The following NUDC variants were observed in gnomAD, a reference collection of about 807,000 sequenced individuals.
The protein encoded by NUDC is nuclear migration protein nudC.
A neutral mutation model predicts 45.0 loss-of-function variants in NUDC; 14 were observed. That is an observed-to-expected ratio of 0.31 (90% CI 0.21 to 0.49). The LOEUF is 0.49. NUDC is among the 20% of genes least tolerant of loss of function. The pLI is 0.99. For synonymous variants in NUDC, 153 were observed against 156.7 expected (o/e 0.98, Z 0.17); for missense variants, 323 against 426.2 (o/e 0.76, Z 2.13).
chr1:26,921,914 G>A lies in NUDC; in HGVS notation c.66G>A (p.Glu22=). ...TGCTGGCCATGGCTCAGCAGCACGAGGGCGGCGTGCAGGAGGTAACGGCCC... is the reference window on the plus strand; with the variant it reads ...TGCTGGCCATGGCTCAGCAGCACGAAGGCGGCGTGCAGGAGGTAACGGCCC... ...GMLLAMAQQH[E]GGVQELVNTF... Residue 22 remains glutamate, a synonymous_variant, in exon 1 of 9, where the codon GAG becomes GAA. Coordinates refer to ENST00000321265, the MANE Select transcript of NUDC (RefSeq NM_006600.4). 1 of 1,553,046 alleles carries A rather than the reference G, an allele frequency of 6.4e-7. No individual in the cohort carries two copies. The highest frequency in any genetic ancestry group is 8.7e-7 in the Non-Finnish European group (1 of 1,147,910).
intron 2 of NUDC, among the ~76,000 whole-genome samples, chr1:26,934,818 C>T (rs140853366): frequency 1.5e-3 from 235 of 151,666 alleles, no homozygotes; most frequent in African/African-American, 5.4e-3. Flanking sequence ...CCACCATGCC[C>T]GGCTAATTTT....
intron 2 of NUDC, among the ~76,000 whole-genome samples, chr1:26,905,253 T>C (rs2081998467): frequency 6.7e-6 from 1 of 148,862 alleles, no homozygotes; most frequent in African/African-American, 2.5e-5. Flanking sequence ...CTCCGCCTCC[T>C]GGGTTCAGGC....
In NUDC at chr1:26,922,137, T is replaced by A. The variant is rs2082096688; in HGVS notation, c.81+208T>A. 3 of 598,714 alleles carry A rather than the reference T, an allele frequency of 5.0e-6. No individual in the cohort carries two copies. In the East Asian group the frequency reaches 8.4e-5, roughly 17 times the overall value. 37.1% of individuals were successfully genotyped at this position (598,714 alleles called of 1,614,324 possible). ...GTCCCGGGCCCCCGGCGCCCCTCAG[T>A]AGTAGCAAATTATCGCATCCCTGAG... On this transcript the variant is annotated intron_variant, in intron 1 of 8. Coordinates refer to ENST00000321265, the MANE Select transcript of NUDC (RefSeq NM_006600.4).
At position 26,946,503 on chromosome 1, in the gene NUDC, CCTAGGGCACAT is replaced by C. The variant is rs757307921; in HGVS notation, c.*324_*334del. The C allele has an allele frequency of 4.8e-5, 20 of 417,798 alleles. No individual in the cohort carries two copies. Among genetic ancestry groups the C allele is most frequent in the Non-Finnish European group, 7.2e-5 (16 of 222,120 alleles). The allele number at this position is 417,798 out of a possible 1,614,324, so 25.9% of individuals were successfully genotyped here. A position where few individuals can be genotyped will look rare whatever the true frequency, so the allele number is the denominator to read the frequency against. ...TTCTAGCCCAGATTCTGCCATGTGA[CCTAGGGCACAT>C]CCTTGCCCCTCTCTGGGCCTCAGTT... On this transcript the variant is annotated 3_prime_UTR_variant, in exon 9 of 9. Coordinates refer to ENST00000321265, the MANE Select transcript of NUDC (RefSeq NM_006600.4).
At chr1:26,918,730 A>G (rs1336366601), upstream of NUDC, among the ~76,000 whole-genome samples, 2 of 151,718 alleles carry the variant, frequency 1.3e-5, no homozygotes, top group Non-Finnish European at 2.9e-5. Context: ...TCCCACCACT[A>G]TGCCTGGCTA....
At chr1:26,936,134 A>AACATATATATATATATATATAT (rs1553163907) in intron 2 of NUDC, among the ~76,000 whole-genome samples, 8 of 6,812 alleles carry the variant, frequency 1.2e-3, no homozygotes, top group Non-Finnish European at 2.0e-3. Context: ...ACGCCCGGCT[A>AACATATATATATATATATATAT]ATATATATAT....
At chr1:26,930,955 G>T (rs767009877) in intron 2 of NUDC, among the ~76,000 whole-genome samples, 1 of 151,834 alleles carries the variant, frequency 6.6e-6, no homozygotes, top group Admixed American at 6.6e-5. Flanking sequence ...GACAGAGTTT[G>T]CAGTGAGCCG....
intron 2 of NUDC, among the ~76,000 whole-genome samples, chr1:26,939,320 G>T (rs886856278): frequency 1.6e-4 from 24 of 151,718 alleles, no homozygotes; most frequent in African/African-American, 5.6e-4. Context: ...ACCTGGCCAA[G>T]ACTGTTTTTA....
chr1:26,904,407 T>G (rs1389272062), intron 2 of NUDC, among the ~76,000 whole-genome samples: 7 of 151,928 alleles, frequency 4.6e-5, no homozygotes, highest in African/African-American at 1.7e-4. Flanking sequence ...TGGCCTCAAG[T>G]GATCCACCCA....
At chr1:26,926,719 G>C (rs2082135832) in intron 2 of NUDC, among the ~76,000 whole-genome samples, 1 of 151,954 alleles carries the variant, frequency 6.6e-6, no homozygotes, top group Non-Finnish European at 1.5e-5. Flanking sequence ...TCCTGCCTCA[G>C]CCTCCTAAGT....
At chr1:26,935,974 AT>A (rs1321595684) in intron 2 of NUDC, among the ~76,000 whole-genome samples, 3 of 148,254 alleles carry the variant, frequency 2.0e-5, no homozygotes, top group South Asian at 2.1e-4. Flanking sequence ...CAAAAAAAAA[AT>A]GTTTTGTTTT....
In NUDC at chr1:26,942,515, C is replaced by T; in HGVS notation, c.430-145C>T. On this transcript the variant is annotated intron_variant, in intron 4 of 8. Transcript: ENST00000321265. ...TCCCAGTGGACCAAGGCTTGGGGGT[C>T]TGCCCCTCTGTGGAGTGGGCAGGGA... The T allele has an allele frequency of 3.4e-6, 4 of 1,178,770 alleles. No individual in the cohort carries two copies. The South Asian group carries it at 5.2e-5, about 15-fold the overall frequency. 73.0% of individuals were successfully genotyped at this position (1,178,770 alleles called of 1,614,324 possible).
chr1:26,918,172 C>CT (rs770055094), upstream of NUDC, among the ~76,000 whole-genome samples: 1,601 of 130,400 alleles, frequency 0.012, 26 homozygotes, highest in African/African-American at 0.036. Context: ...CTTGATTTAT[C>CT]TTTTTTTTTT....
upstream of NUDC, among the ~76,000 whole-genome samples, chr1:26,920,754 CCAAAAAACAAAAAA>C (rs1303108568): frequency 6.8e-6 from 1 of 148,050 alleles, no homozygotes; most frequent in East Asian, 2.0e-4. Context: ...TCCATCTCTA[CCAAAAAACAAAAAA>C]CAAAAAACAA....
chr1:26,945,743 G>A, intron 8 of NUDC, 57 bp downstream of exon 8: 3 of 1,226,144 alleles, frequency 2.4e-6, no homozygotes, highest in Non-Finnish European at 3.6e-6. Flanking sequence ...CTTAGACTTC[G>A]GTGACAGCAG....
intron 2 of NUDC, among the ~76,000 whole-genome samples, chr1:26,907,800 T>C (rs1026140335): frequency 6.6e-6 from 1 of 152,178 alleles, no homozygotes; most frequent in Admixed American, 6.5e-5. Context: ...GCTGAGCTGG[T>C]TCCAGACCGC....
intron 3 of NUDC, among the ~76,000 whole-genome samples, chr1:26,914,417 C>G (rs912917922): frequency 2.0e-5 from 3 of 152,152 alleles, no homozygotes; most frequent in Non-Finnish European, 2.9e-5. Flanking sequence ...CCTGGAAGTG[C>G]CTTATCACTA....
At chr1:26,923,600 G>A (rs1403337818) in intron 1 of NUDC, among the ~76,000 whole-genome samples, 1 of 152,058 alleles carries the variant, frequency 6.6e-6, no homozygotes, top group Non-Finnish European at 1.5e-5. Context: ...CTCCCAAGTA[G>A]CTGGGATTAC....
intron 1 of NUDC, among the ~76,000 whole-genome samples, chr1:26,901,849 A>G (rs1409911155): frequency 2.0e-5 from 3 of 152,206 alleles, no homozygotes. Context: ...TAAAGGGCCA[A>G]GCTCAGTGGT....
Sources: allele counts gnomAD v4.1 joint callset (sites outside exome capture counted in the v4.1 genomes callset), GRCh38; gene constraint gnomAD v4.1.1; transcripts MANE v1.5; gene names NCBI Gene and HGNC (gene_info 2026-07-23, HGNC 2026-07-21).